Variants in LRCH3 observed in about 807,000 individuals in gnomAD.
The protein encoded by LRCH3 is leucine rich repeats and calponin homology domain containing 3, also known as DISP complex protein LRCH3.
Under a neutral mutation model 104.5 loss-of-function variants are expected in LRCH3, and 68 were observed. The observed-to-expected ratio is 0.65, with a 90% CI of 0.54 to 0.80. The LOEUF is 0.80. Ranked by LOEUF, LRCH3 falls within the 30% of genes least tolerant of loss-of-function variation. The pLI is 0.00. For missense variants in LRCH3, 951 were observed against 953.9 expected (o/e 1.00, Z 0.04); for synonymous variants, 344 against 361.3 (o/e 0.95, Z 0.54).
At chr3:197,880,619 C>T in intron 20 of LRCH3, 1 of 1,536,674 alleles carries the variant, frequency 6.5e-7, no homozygotes, top group Non-Finnish European at 8.7e-7. Context: ...CCAGTTTTGT[C>T]TGTCTCTCTC....
At chr3:197,797,096 G>C (rs1731293744) in intron 1 of LRCH3, among the ~76,000 whole-genome samples, 1 of 151,926 alleles carries the variant, frequency 6.6e-6, no homozygotes, top group Non-Finnish European at 1.5e-5. Context: ...GGGGGGCCGA[G>C]GCGGGCAGAT....
intron 15 of LRCH3, among the ~76,000 whole-genome samples, chr3:197,862,597 T>C (rs1741012606): frequency 6.6e-6 from 1 of 152,230 alleles, no homozygotes; most frequent in Admixed American, 6.5e-5. Context: ...TTTTGTATTA[T>C]TGGTCCTTGA....
intron 1 of LRCH3, among the ~76,000 whole-genome samples, chr3:197,808,808 G>A (rs953600659): frequency 1.3e-5 from 2 of 152,118 alleles, no homozygotes; most frequent in South Asian, 4.2e-4. Context: ...GAAGGCTGAG[G>A]TGGGAGGATC....
At chr3:197,791,879 G>A (rs1018129202) in intron 1 of LRCH3, among the ~76,000 whole-genome samples, 1 of 152,188 alleles carries the variant, frequency 6.6e-6, no homozygotes, top group African/African-American at 2.4e-5. Flanking sequence ...TTGGGGTGCC[G>A]AATGGACCTG....
chr3:197,800,076 C>G (rs1274109592), intron 1 of LRCH3, among the ~76,000 whole-genome samples: 1 of 151,764 alleles, frequency 6.6e-6, no homozygotes, highest in East Asian at 1.9e-4. Context: ...GTAATCCCAG[C>G]TACTCGGGAG....
chr3:197,825,656 T>C (rs1027701131), intron 4 of LRCH3, among the ~76,000 whole-genome samples: 2 of 151,422 alleles, frequency 1.3e-5, no homozygotes, highest in African/African-American at 4.9e-5. Flanking sequence ...ATTTTTTGTA[T>C]TTTTAGTAGA....
chr3:197,807,695 T>G (rs186351517), intron 1 of LRCH3, among the ~76,000 whole-genome samples: 13 of 152,288 alleles, frequency 8.5e-5, no homozygotes, highest in African/African-American at 2.9e-4. Context: ...CCTGTGGGGT[T>G]CGTGAACATT....
intron 8 of LRCH3, among the ~76,000 whole-genome samples, chr3:197,833,009 G>A (rs888359867): frequency 1.3e-5 from 2 of 151,982 alleles, no homozygotes; most frequent in African/African-American, 2.4e-5. Flanking sequence ...TCTCAGTGAC[G>A]ATTTCAATTA....
chr3:197,832,060 T>C (rs764486338), intron 7 of LRCH3, 137 bp from the exon 8 acceptor site: 1 of 756,414 alleles, frequency 1.3e-6, no homozygotes, highest in South Asian at 2.1e-5. Context: ...ATTACAGGCA[T>C]GTGTGAGCAC....
In LRCH3 at chr3:197,791,304, T is replaced by A; in HGVS notation, c.26T>A (p.Val9Glu). The part of the protein sequence containing the change: MAAAGLVA[V>E]AAAAEYSGTV... The stretch of plus-strand genomic sequence containing the variant: ...ATGGCGGCCGCGGGCTTGGTCGCTG[T>A]GGCAGCGGCTGCCGAGTACTCTGGC... The change falls in exon 1 of 21, where the codon GTG (valine) becomes GAG (glutamate). Residue 9 changes from valine to glutamate, a missense_variant. Val to Glu is a moderately radical substitution (Grantham distance 121, BLOSUM62 -2). Transcript: ENST00000425562. The A allele has an allele frequency of 1.2e-6, 2 of 1,608,706 alleles. No individual in the cohort carries two copies. The highest frequency in any genetic ancestry group is 1.7e-6 in the Non-Finnish European group (2 of 1,178,728).
At chr3:197,814,375 G>C (rs1733574631) in intron 1 of LRCH3, among the ~76,000 whole-genome samples, 1 of 152,234 alleles carries the variant, frequency 6.6e-6, no homozygotes, top group Non-Finnish European at 1.5e-5. Context: ...CCCACAGCGT[G>C]GGGGAATTCT....
At chr3:197,812,970 C>T (rs1192488423) in intron 1 of LRCH3, among the ~76,000 whole-genome samples, 1 of 152,174 alleles carries the variant, frequency 6.6e-6, no homozygotes, top group East Asian at 1.9e-4. Flanking sequence ...TCCACAGTGG[C>T]TGTTTCCACC....
Position 197,826,893 on chromosome 3 carries a change from C to T in LRCH3, c.656C>T (p.Pro219Leu). ...CTTCTTGCAGAGCTGGCGGAGTTGC[C>T]TTTGATACGGTTAGACTTCTCATGC... The part of the protein sequence containing the change: ...VHLPEELAEL[P>L]LIRLDFSCNK... The change falls in exon 5 of 21, where the codon CCT becomes CTT. Residue 219 changes from proline (P) to leucine (L), a missense_variant. Physicochemically the swap from Pro to Leu is moderately conservative, Grantham distance 98. Transcript: ENST00000425562. 6.2e-7 allele frequency: 1 copy of T among 1,614,040 alleles called. No individual in the cohort carries two copies. The highest frequency in any genetic ancestry group is 8.5e-7 in the Non-Finnish European group (1 of 1,179,988).
At chr3:197,808,575 G>T (rs1732758622) in intron 1 of LRCH3, among the ~76,000 whole-genome samples, 1 of 152,132 alleles carries the variant, frequency 6.6e-6, no homozygotes, top group Non-Finnish European at 1.5e-5. Flanking sequence ...CATTTTGCTG[G>T]ATATATATAC....
chr3:197,799,660 A>T (rs957069782), intron 1 of LRCH3, among the ~76,000 whole-genome samples: 4 of 151,458 alleles, frequency 2.6e-5, no homozygotes, highest in Non-Finnish European at 5.9e-5. Flanking sequence ...TGAGATCAGG[A>T]GTTTGAGACC....
At chr3:197,872,471 C>T (rs574466762) in intron 19 of LRCH3, among the ~76,000 whole-genome samples, 1 of 152,136 alleles carries the variant, frequency 6.6e-6, no homozygotes, top group Non-Finnish European at 1.5e-5. Flanking sequence ...TGGCTTGTGC[C>T]TGTAGTCCCA....
chr3:197,797,525 G>GA (rs1295218320), intron 1 of LRCH3, among the ~76,000 whole-genome samples: 1 of 151,840 alleles, frequency 6.6e-6, no homozygotes, highest in African/African-American at 2.4e-5. Flanking sequence ...AACAGAAACA[G>GA]AAAAAAGATT....
chr3:197,836,751 T>TA lies in LRCH3; in HGVS notation c.1251+930dup, dbSNP rs540034791. 7.9e-5 allele frequency among the ~76,000 whole-genome samples: 12 copies of TA among 152,332 alleles called. No homozygotes were observed. The East Asian group carries it at 2.3e-3, about 29-fold the overall frequency. ...GGTGTGCCTTGGCACGATCTCGGCT[T>TA]ACTGCAGCCTCTGCCTCCCAGGTTC... On this transcript the variant is annotated intron_variant, in intron 9 of 20. Transcript: ENST00000425562.
intron 4 of LRCH3, among the ~76,000 whole-genome samples, chr3:197,823,799 A>G (rs375423873): frequency 6.6e-6 from 1 of 152,014 alleles, no homozygotes; most frequent in East Asian, 1.9e-4. Flanking sequence ...ACATATTTCT[A>G]ACTGATATGT....
Sources: gnomAD v4.1 joint callset for allele counts (sites outside exome capture counted in the v4.1 genomes callset) on GRCh38, gnomAD v4.1.1 for gene constraint, MANE v1.5 for transcripts, NCBI Gene and HGNC (gene_info 2026-07-23, HGNC 2026-07-21) for gene names.